AMBP: variants seen among roughly 807,000 people sequenced by gnomAD.
The protein encoded by AMBP is protein AMBP.
A neutral mutation model predicts 46.3 loss-of-function variants in AMBP; 37 were observed. The ratio of observed to expected loss-of-function variants is 0.80; its 90% CI spans 0.61 to 1.05. The LOEUF is 1.05. Among genes scored for constraint, AMBP ranks in the 50% least tolerant of loss-of-function variants. The pLI, the probability that AMBP is intolerant of heterozygous loss-of-function variation, is 0.00. For synonymous variants in AMBP, 174 were observed against 175.9 expected (o/e 0.99, Z 0.09); for missense variants, 475 against 461.2 (o/e 1.03, Z -0.27).
chr9:114,075,334 T>G (rs1431579605), intron 2 of AMBP, among the ~76,000 whole-genome samples: 2 of 152,222 alleles, frequency 1.3e-5, no homozygotes, highest in Non-Finnish European at 2.9e-5. Flanking sequence ...AATCTACACA[T>G]TATACTGAGG....
chr9:114,061,484 T>A lies in AMBP; in HGVS notation c.793A>T (p.Met265Leu). The change falls in exon 8 of 10, where the codon ATG becomes TTG. Residue 265 changes from methionine to leucine, a missense_variant. By Grantham distance (15) the Met-to-Leu change is conservative (BLOSUM62 2). Around this residue, in one of 3 missense-constraint regions of AMBP, gnomAD observed 293 missense variants for 276.9 expected, o/e 1.06. Transcript: ENST00000265132. ...ACETFQYGGCMGNGNNFVTEK... is the reference protein window; with the variant it reads ...ACETFQYGGCLGNGNNFVTEK... ...GTGACGAAGTTGTTACCGTTGCCCA[T>A]GCAGCCGCCGTACTGGAAAGTCTCA... 5 of 1,614,112 alleles carry A rather than the reference T, an allele frequency of 3.1e-6. No individual in the cohort carries two copies. Among genetic ancestry groups the A allele is most frequent in the Non-Finnish European group, 4.2e-6 (5 of 1,180,024 alleles).
At chr9:114,062,906 T>G (rs551860641) in intron 6 of AMBP, 148 bp from the exon 7 acceptor site, 2 of 737,696 alleles carry the variant, frequency 2.7e-6, no homozygotes. Flanking sequence ...GAGACTGTTT[T>G]CCCAAAAGTG....
rs755836931 is a variant in AMBP, at chr9:114,061,063, G to A, written c.889C>T (p.Arg297Ter). Residue 297 changes from arginine to a stop codon, truncating the protein, a stop_gained, in exon 9 of 10, where the codon CGA becomes TGA. Coordinates refer to ENST00000265132, the MANE Select transcript of AMBP (RefSeq NM_001633.4). LOFTEE classifies it high-confidence loss of function. ...AATGCCCAGAGCTGGATGAAGGCTCGGCAGGGGCCCCGGACTATGGGGAGA... is the reference window on the plus strand; with the variant it reads ...AATGCCCAGAGCTGGATGAAGGCTCAGCAGGGGCCCCGGACTATGGGGAGA... ...CNLPIVRGPCRAFIQLWAFDA... is the reference protein window; with the variant it reads ...CNLPIVRGPC The A allele has an allele frequency of 2.4e-5, 39 of 1,614,092 alleles. No homozygotes were observed. The highest frequency in any genetic ancestry group is 1.4e-4 in the South Asian group (13 of 91,088).
At chr9:114,062,052 T>C (rs529851496) in intron 7 of AMBP, among the ~76,000 whole-genome samples, 5 of 152,246 alleles carry the variant, frequency 3.3e-5, no homozygotes, top group African/African-American at 1.2e-4. Flanking sequence ...TTCCCCTTTA[T>C]CCATGAAGTC....
At chr9:114,063,227 A>G (rs1846660363) in intron 6 of AMBP, among the ~76,000 whole-genome samples, 1 of 151,534 alleles carries the variant, frequency 6.6e-6, no homozygotes, top group African/African-American at 2.4e-5. Flanking sequence ...CCTGAAACTG[A>G]TCCTAACTCC....
At chr9:114,077,940 G>A (rs1253864479) in intron 1 of AMBP, among the ~76,000 whole-genome samples, 153 bp downstream of exon 1, 1 of 152,214 alleles carries the variant, frequency 6.6e-6, no homozygotes, top group Non-Finnish European at 1.5e-5. Context: ...GGAATGGCAG[G>A]GGATAGAGCT....
Position 114,069,950 on chromosome 9 carries a change from A to G in AMBP, c.557-205T>C, listed in dbSNP as rs952051807. 6.8e-6 allele frequency: 4 copies of G among 584,664 alleles called. No homozygotes were observed. The African/African-American group carries it at 7.4e-5, about 11-fold the overall frequency. 36.2% of individuals were successfully genotyped at this position (584,664 alleles called of 1,614,324 possible). A position where few individuals can be genotyped will look rare whatever the true frequency, so the allele number is the denominator to read the frequency against. ...GGTGGCTGCACCATCATTACCATCT[A>G]TCCACTCCACCCCACCCCACTAGCA... On this transcript the variant is annotated intron_variant, in intron 5 of 9. Coordinates refer to ENST00000265132, the MANE Select transcript of AMBP (RefSeq NM_001633.4).
intron 5 of AMBP, among the ~76,000 whole-genome samples, chr9:114,071,350 C>T (rs1358049036): frequency 6.6e-6 from 1 of 152,244 alleles, no homozygotes; most frequent in African/African-American, 2.4e-5. Context: ...GACAGGTATG[C>T]ACATGCTCAG....
intron 5 of AMBP, among the ~76,000 whole-genome samples, chr9:114,072,455 G>T (rs1472711554): frequency 6.6e-6 from 1 of 152,164 alleles, no homozygotes; most frequent in African/African-American, 2.4e-5. Context: ...TCCCTTGGAG[G>T]TGTGGGATCC....
At chr9:114,066,503 T>C (rs1846696178) in intron 6 of AMBP, among the ~76,000 whole-genome samples, 1 of 151,838 alleles carries the variant, frequency 6.6e-6, no homozygotes, top group Non-Finnish European at 1.5e-5. Context: ...ATGCTGGGAT[T>C]ATACGCATGA....
chr9:114,076,652 A>G lies in AMBP; in HGVS notation c.206T>C (p.Val69Ala). The G allele has an allele frequency of 6.2e-7, 1 of 1,613,968 alleles. No homozygotes were observed. Among genetic ancestry groups the G allele is most frequent in the African/African-American group, 1.3e-5 (1 of 74,980 alleles). ...IMDRMTVSTL[V>A]LGEGATEAEI... ...CGCCTCTGTAGCGCCCTCTCCCAGC[A>G]CCAGCGTGCTCACTGTCATCCTGTC... is the stretch of plus-strand genomic sequence containing the variant. Residue 69 changes from valine (V) to alanine (A), a missense_variant, in exon 2 of 10, where the codon GTG becomes GCG. Val to Ala is a moderately conservative substitution (Grantham distance 64). This residue lies in a region of AMBP where 179 missense variants were observed against 167.4 expected (regional missense o/e 1.07). Coordinates refer to ENST00000265132, the MANE Select transcript of AMBP (RefSeq NM_001633.4).
chr9:114,076,682 ATCT>A lies in AMBP; in HGVS notation c.173_175del (p.Lys58del), dbSNP rs1564373856. On this transcript the variant is annotated inframe_deletion, in exon 2 of 10. Coordinates refer to ENST00000265132, the MANE Select transcript of AMBP (RefSeq NM_001633.4). ...CGTGCTCACTGTCATCCTGTCCATG[ATCT>A]TCTTCAGCCAGGGGCAGGTGGAACC... 8.7e-6 allele frequency: 14 copies of A among 1,613,598 alleles called. No homozygotes were observed. Among genetic ancestry groups the A allele is most frequent in the Admixed American group, 1.7e-5 (1 of 59,934 alleles).
intron 6 of AMBP, 33 bp downstream of exon 6, chr9:114,069,666 G>C: frequency 6.3e-7 from 1 of 1,596,036 alleles, no homozygotes; most frequent in East Asian, 2.2e-5. Flanking sequence ...GGGTGGGATG[G>C]GGTGGGATGG....
chr9:114,064,644 C>A (rs1395969209), intron 6 of AMBP, among the ~76,000 whole-genome samples: 4 of 150,076 alleles, frequency 2.7e-5, no homozygotes, highest in Admixed American at 6.8e-5. Flanking sequence ...AGTTCTCCCC[C>A]CAATACCTAA....
At chr9:114,062,114 G>A (rs1846644948) in intron 7 of AMBP, among the ~76,000 whole-genome samples, 1 of 152,086 alleles carries the variant, frequency 6.6e-6, no homozygotes, top group Admixed American at 6.5e-5. Flanking sequence ...CCCTTTAGCT[G>A]ACCCTTCCTT....
At chr9:114,066,376 C>CGTATGTGTGT (rs1554773731) in intron 6 of AMBP, among the ~76,000 whole-genome samples, 1 of 141,184 alleles carries the variant, frequency 7.1e-6, no homozygotes, top group East Asian at 2.1e-4. Flanking sequence ...TTTATGTGCA[C>CGTATGTGTGT]GTGTGTGTGT....
chr9:114,063,615 T>G (rs1474400509), intron 6 of AMBP, among the ~76,000 whole-genome samples: 1 of 152,190 alleles, frequency 6.6e-6, no homozygotes, highest in Non-Finnish European at 1.5e-5. Context: ...GGAGATATTC[T>G]GGATCTTCTG....
intron 8 of AMBP, 127 bp from the exon 9 acceptor site, chr9:114,061,225 A>G (rs2134843399): frequency 7.2e-7 from 1 of 1,394,090 alleles, no homozygotes; most frequent in South Asian, 1.4e-5. Context: ...CAGATGGGGA[A>G]ACTGGGGCCC....
At chr9:114,067,532 A>G (rs963761428) in intron 6 of AMBP, among the ~76,000 whole-genome samples, 3 of 152,212 alleles carry the variant, frequency 2.0e-5, no homozygotes, top group African/African-American at 7.2e-5. Context: ...CTGAGATTAC[A>G]GGAATGAGCC....
Sources: gnomAD v4.1 joint callset for allele counts (sites outside exome capture counted in the v4.1 genomes callset) on GRCh38, gnomAD v4.1.1 for gene constraint, gnomAD v4.1.1 regional missense constraint, MANE v1.5 for transcripts, NCBI Gene and HGNC (gene_info 2026-07-23, HGNC 2026-07-21) for gene names.